Variants in GRID1 observed in about 807,000 individuals in gnomAD.
The protein encoded by GRID1 is glutamate receptor ionotropic, delta-1.
In GRID1, 28 loss-of-function variants were observed where a neutral mutation model predicts 98.0. The ratio of observed to expected loss-of-function variants is 0.29; its 90% CI spans 0.21 to 0.39. The LOEUF (loss-of-function observed/expected upper bound fraction) is 0.39, where lower values mean the gene tolerates loss of function less well. Ranked by LOEUF, GRID1 falls within the 10% of genes least tolerant of loss-of-function variation. GRID1 has a pLI of 1.00. For synonymous variants in GRID1, 553 were observed against 538.5 expected (o/e 1.03, Z -0.37); for missense variants, 1,111 against 1,340.5 (o/e 0.83, Z 2.67).
chr10:85,891,414 T>TA (rs1841198671), intron 5 of GRID1, among the ~76,000 whole-genome samples: 4 of 152,154 alleles, frequency 2.6e-5, no homozygotes, highest in African/African-American at 7.2e-5. Flanking sequence ...AGTGTAAAGA[T>TA]AAAAAACATA....
intron 14 of GRID1, among the ~76,000 whole-genome samples, chr10:85,617,189 A>G (rs1842800019): frequency 6.6e-6 from 1 of 151,766 alleles, no homozygotes; most frequent in Admixed American, 6.6e-5. Flanking sequence ...CTGAAGCTAG[A>G]GGCAGCTCAC....
chr10:85,799,607 A>G (rs1250816753), intron 8 of GRID1, among the ~76,000 whole-genome samples: 1 of 152,116 alleles, frequency 6.6e-6, no homozygotes, highest in Non-Finnish European at 1.5e-5. Context: ...CGTTAACCCA[A>G]ATAAGCCAAG....
At chr10:85,892,492 C>G (rs1050341432) in intron 5 of GRID1, among the ~76,000 whole-genome samples, 1 of 151,668 alleles carries the variant, frequency 6.6e-6, no homozygotes. Flanking sequence ...AGATTAAGAG[C>G]TGAGTCCTCA....
chr10:85,803,344 T>A (rs907524642), intron 8 of GRID1, among the ~76,000 whole-genome samples: 1 of 152,116 alleles, frequency 6.6e-6, no homozygotes, highest in Non-Finnish European at 1.5e-5. Flanking sequence ...ATGTATCCTA[T>A]AAATATATAC....
At chr10:85,996,463 G>A (rs1842739412) in intron 4 of GRID1, among the ~76,000 whole-genome samples, 1 of 152,132 alleles carries the variant, frequency 6.6e-6, no homozygotes, top group Admixed American at 6.5e-5. Context: ...TTCACTGGAT[G>A]GGCTCAATGA....
intron 3 of GRID1, among the ~76,000 whole-genome samples, chr10:86,177,859 T>C (rs1320543502): frequency 1.3e-5 from 2 of 151,162 alleles, no homozygotes; most frequent in Non-Finnish European, 3.0e-5. Context: ...TCAGTGTATG[T>C]GTGTGTGTGT....
At chr10:85,885,925 G>T (rs1841111326) in intron 5 of GRID1, among the ~76,000 whole-genome samples, 1 of 152,196 alleles carries the variant, frequency 6.6e-6, no homozygotes, top group Non-Finnish European at 1.5e-5. Flanking sequence ...GTCCCTGGGG[G>T]AAAAGAGGAA....
intron 5 of GRID1, among the ~76,000 whole-genome samples, chr10:85,894,548 G>T (rs1841256192): frequency 6.6e-6 from 1 of 152,186 alleles, no homozygotes; most frequent in South Asian, 2.1e-4. Flanking sequence ...GCATTATCAT[G>T]ATTGTGGTGA....
At chr10:85,903,731 A>T (rs1478794312) in intron 5 of GRID1, among the ~76,000 whole-genome samples, 1 of 151,568 alleles carries the variant, frequency 6.6e-6, no homozygotes, top group East Asian at 1.9e-4. Flanking sequence ...TCCATCACTC[A>T]CTCTGCTCCA....
At chr10:85,658,515 T>C (rs1840928426) in intron 12 of GRID1, among the ~76,000 whole-genome samples, 2 of 152,206 alleles carry the variant, frequency 1.3e-5, no homozygotes, top group African/African-American at 4.8e-5. Flanking sequence ...GACTGCTTGA[T>C]ACAAAAACCT....
rs183783250 is a variant in GRID1, at chr10:85,967,155, C to T, written c.727-50916G>A. ...TTCTGCCATGATTGTGAGGCCTCCC[C>T]AGCCATGTGGAACTGTGAGTCAATT... On this transcript the variant is annotated intron_variant, in intron 4 of 15. Transcript: ENST00000327946. Among the ~76,000 whole-genome samples, 224 of 152,344 alleles carry T rather than the reference C, an allele frequency of 1.5e-3. 1 individual carries two copies. Among genetic ancestry groups the T allele is most frequent in the African/African-American group, 5.0e-3 (206 of 41,582 alleles).
chr10:86,164,945 C>T (rs912695697), intron 3 of GRID1, among the ~76,000 whole-genome samples: 2 of 152,154 alleles, frequency 1.3e-5, no homozygotes, highest in African/African-American at 4.8e-5. Context: ...GACCAGGCAT[C>T]CAAAGGCCAG....
chr10:85,997,398 C>CAA lies in GRID1; in HGVS notation c.727-81161_727-81160dup, dbSNP rs35365659. On this transcript the variant is annotated intron_variant, in intron 4 of 15. Transcript: ENST00000327946. ...TGGGCAACAGAGCGAGACTCCATCT[C>CAA]AAAAAAAAAAAAAATTATAACATAG... Among the ~76,000 whole-genome samples, 35 of 137,120 alleles carry CAA rather than the reference C, an allele frequency of 2.6e-4. No individual in the cohort carries two copies. In the East Asian group the frequency reaches 2.6e-3, roughly 10 times the overall value. 90.0% of individuals were successfully genotyped at this position (137,120 alleles called of 152,430 possible). A position where few individuals can be genotyped will look rare whatever the true frequency, so the allele number is the denominator to read the frequency against.
intron 5 of GRID1, among the ~76,000 whole-genome samples, chr10:85,881,273 C>G (rs547297807): frequency 1.2e-4 from 18 of 152,264 alleles, no homozygotes; most frequent in African/African-American, 4.3e-4. Context: ...GAAAAAACTA[C>G]TTTAAAGTTC....
At chr10:85,740,973 C>T (rs12255217) in intron 8 of GRID1, among the ~76,000 whole-genome samples, 3,770 of 152,102 alleles carry the variant, frequency 0.025, 147 homozygotes, top group African/African-American at 0.086. Context: ...AGGCTGTTCT[C>T]GAACTCCTGA....
chr10:86,250,186 G>A (rs1846798648), intron 2 of GRID1, among the ~76,000 whole-genome samples: 1 of 152,182 alleles, frequency 6.6e-6, no homozygotes, highest in African/African-American at 2.4e-5. Context: ...GCTTCCAGTG[G>A]CCAAAATCTC....
At chr10:86,260,869 T>C (rs971658124) in intron 2 of GRID1, among the ~76,000 whole-genome samples, 3 of 152,258 alleles carry the variant, frequency 2.0e-5, no homozygotes, top group African/African-American at 7.2e-5. Flanking sequence ...TTCCTTCACC[T>C]GTGATGGAGG....
intron 2 of GRID1, among the ~76,000 whole-genome samples, chr10:86,329,801 G>T (rs1448501101): frequency 6.6e-6 from 1 of 152,144 alleles, no homozygotes; most frequent in African/African-American, 2.4e-5. Context: ...CCAGAGCCTG[G>T]ATCTTCCTTA....
chr10:85,926,942 A>G (rs909513199), intron 4 of GRID1, among the ~76,000 whole-genome samples: 2 of 152,234 alleles, frequency 1.3e-5, no homozygotes, highest in African/African-American at 4.8e-5. Flanking sequence ...AGAACCCTGT[A>G]TCTGTTCCCC....
Sources: allele counts gnomAD v4.1 joint callset (sites outside exome capture counted in the v4.1 genomes callset), GRCh38; gene constraint gnomAD v4.1.1; transcripts MANE v1.5; gene names NCBI Gene and HGNC (gene_info 2026-07-23, HGNC 2026-07-21).